ZSCAN32: variants seen among roughly 807,000 people sequenced by gnomAD.
The protein encoded by ZSCAN32 is zinc finger and SCAN domain containing 32.
In ZSCAN32, 52 loss-of-function variants were observed where a neutral mutation model predicts 47.4. The ratio of observed to expected loss-of-function variants is 1.10; its 90% CI spans 0.88 to 1.38. ZSCAN32 has a LOEUF of 1.38. Among genes scored for constraint, ZSCAN32 ranks in the 40% most tolerant of loss-of-function variants. The probability of loss-of-function intolerance (pLI) is 0.00; values close to 1 mark genes in which losing one functional copy is unlikely to be tolerated. For synonymous variants in ZSCAN32, 346 were observed against 305.7 expected, an observed-to-expected ratio of 1.13 and a Z score of -1.38; for missense variants, 959 against 846.0, an observed-to-expected ratio of 1.13 and a Z score of -1.66.
In ZSCAN32 at chr16:3,390,080, C is replaced by G. The variant is rs910840789; in HGVS notation, c.681G>C (p.Met227Ile). Residue 227 changes from methionine to isoleucine, a missense_variant, in exon 5 of 7, where the codon ATG becomes ATC. Transcript: ENST00000396852. The part of the protein sequence containing the change: ...RAVSLCQQEW[M>I]CPGPAQRALY... ...GGGCCCTTTGTGCAGGGCCTGGGCA[C>G]ATCCATTCTTGCTGACAGAGGGATA... The G allele has an allele frequency of 1.2e-6, 2 of 1,613,910 alleles. No homozygotes were observed. Among genetic ancestry groups the G allele is most frequent in the Admixed American group, 1.7e-5 (1 of 59,984 alleles).
chr16:3,384,148 GC>G (rs368679364), intron 6 of ZSCAN32: 207 of 544,214 alleles, frequency 3.8e-4, no homozygotes, highest in African/African-American at 3.1e-3. Flanking sequence ...GAAAGGCAAG[GC>G]CATGCTAGAG....
rs145605109 is a variant in ZSCAN32 at position 3,392,277 on chromosome 16, G to A, written c.532+1372C>T. ...AAAAATGTTTTGAAACTAGACAGAG[G>A]TGATGGCTGCATAACACTGTGAATG... On this transcript the variant is annotated intron_variant, in intron 3 of 6. Transcript: ENST00000396852. 6.2e-3 allele frequency among the ~76,000 whole-genome samples: 938 copies of A among 152,262 alleles called. 5 individuals are homozygous for A. Among genetic ancestry groups the A allele is most frequent in the African/African-American group, 0.022 (900 of 41,552 alleles).
intron 1 of ZSCAN32, among the ~76,000 whole-genome samples, chr16:3,398,290 T>C (rs1169098208): frequency 2.0e-5 from 3 of 152,090 alleles, no homozygotes; most frequent in Non-Finnish European, 2.9e-5. Flanking sequence ...TGGCTCCACC[T>C]AGACCAGGGA....
intron 1 of ZSCAN32, among the ~76,000 whole-genome samples, chr16:3,399,024 C>T (rs1379146229): frequency 6.6e-6 from 1 of 152,094 alleles, no homozygotes; most frequent in Non-Finnish European, 1.5e-5. Flanking sequence ...AGATCTAGAC[C>T]ATCCTGGCTA....
In ZSCAN32 at chr16:3,397,230, C is replaced by T. The variant is rs1389970645; in HGVS notation, c.328G>A (p.Ala110Thr). Reference protein sequence around the residue: ...QHPENGEEAVALVEDVQRAPG... With the variant: ...QHPENGEEAVTLVEDVQRAPG... ...GCTCTCTGTACATCCTCAACCAGAG[C>T]CACAGCTTCCTCGCCGTTTTCTGGA... The change falls in exon 2 of 7, where the codon GCT (alanine) becomes ACT (threonine). Residue 110 changes from alanine (A) to threonine (T), a missense_variant. Coordinates refer to ENST00000396852, the MANE Select transcript of ZSCAN32 (RefSeq NM_001284527.2). 9.6e-6 allele frequency: 15 copies of T among 1,557,278 alleles called. No individual in the cohort carries two copies. Among genetic ancestry groups the T allele is most frequent in the Middle Eastern group, 1.7e-4 (1 of 6,004 alleles).
chr16:3,382,612 G>T lies in ZSCAN32; in HGVS notation c.*240C>A. ...ACCCTGGTTTCCTGGTAGAATTTATGGATCCTACAGCTTTCTCTCCATCAA... is the reference window on the plus strand; with the variant it reads ...ACCCTGGTTTCCTGGTAGAATTTATTGATCCTACAGCTTTCTCTCCATCAA... On this transcript the variant is annotated 3_prime_UTR_variant, in exon 7 of 7. Transcript: ENST00000396852. 2.4e-6 allele frequency: 1 copy of T among 408,492 alleles called. No homozygotes were observed. The highest frequency in any genetic ancestry group is 4.1e-6 in the Non-Finnish European group (1 of 242,374). The allele number at this position is 408,492 out of a possible 1,614,324, so 25.3% of individuals were successfully genotyped here.
intron 2 of ZSCAN32, among the ~76,000 whole-genome samples, chr16:3,395,729 T>C (rs1329730706): frequency 6.6e-6 from 1 of 152,204 alleles, no homozygotes; most frequent in East Asian, 1.9e-4. Context: ...CCGGGCACAA[T>C]GGTTCACACC....
chr16:3,388,183 T>C (rs1447366843), intron 5 of ZSCAN32, among the ~76,000 whole-genome samples: 1 of 152,234 alleles, frequency 6.6e-6, no homozygotes, highest in African/African-American at 2.4e-5. Flanking sequence ...GCAGCACTCA[T>C]TTGATCTGGC....
At chr16:3,388,511 GGTCT>G (rs1364184899) in intron 5 of ZSCAN32, among the ~76,000 whole-genome samples, 2 of 152,272 alleles carry the variant, frequency 1.3e-5, no homozygotes, top group Non-Finnish European at 2.9e-5. Flanking sequence ...ATTATGCTAT[GGTCT>G]GTCTCTTCCC....
At chr16:3,385,675 C>G (rs1324238375) in intron 5 of ZSCAN32, among the ~76,000 whole-genome samples, 4 of 152,070 alleles carry the variant, frequency 2.6e-5, no homozygotes, top group East Asian at 1.9e-4. Context: ...ACAAACCTGA[C>G]AAAAACAAGC....
chr16:3,384,562 T>A lies in ZSCAN32; in HGVS notation c.1131A>T (p.Glu377Asp). The A allele has an allele frequency of 6.2e-7, 1 of 1,614,206 alleles. No individual in the cohort carries two copies. Residue 377 changes from glutamate to aspartate, a missense_variant, in exon 6 of 7, where the codon GAA becomes GAT. Transcript: ENST00000396852. ...TGTCTGCACCATCCACAGTGCCATC[T>A]TCTACCTCCGTGGGTTCCCCATTCT... ...NHQNGEPTEV[E>D]DGTVDGADRD... is the part of the protein sequence containing the mutation.
chr16:3,383,016 T>C lies in ZSCAN32; in HGVS notation c.1930A>G (p.Asn644Asp), dbSNP rs755343650. 3 of 1,613,978 alleles carry C rather than the reference T, an allele frequency of 1.9e-6. No individual in the cohort carries two copies. Among genetic ancestry groups the C allele is most frequent in the Non-Finnish European group, 1.7e-6 (2 of 1,179,984 alleles). Residue 644 changes from asparagine to aspartate, a missense_variant, in exon 7 of 7, where the codon AAT becomes GAT. Transcript: ENST00000396852. ...KCAVCGKIFN[N>D]SSHFSAHRKT... ...CGGTGGGCACTGAAGTGGGAGCTAT[T>C]GTTGAAGATTTTCCCACACACTGCA... is the stretch of plus-strand genomic sequence containing the variant.
intron 2 of ZSCAN32, among the ~76,000 whole-genome samples, chr16:3,394,456 G>C (rs1384190502): frequency 6.6e-6 from 1 of 152,092 alleles, no homozygotes; most frequent in Non-Finnish European, 1.5e-5. Flanking sequence ...TCCAGTATCA[G>C]TTCTGTCTTC....
intron 1 of ZSCAN32, among the ~76,000 whole-genome samples, chr16:3,398,274 A>G (rs1012229465): frequency 6.6e-6 from 1 of 152,060 alleles, no homozygotes. Flanking sequence ...CTTTCTGACA[A>G]CCAGATGGCT....
chr16:3,390,525 A>G lies in ZSCAN32; in HGVS notation c.533-8T>C, dbSNP rs1465879097. 4 of 1,547,444 alleles carry G rather than the reference A, an allele frequency of 2.6e-6. No homozygotes were observed. Among genetic ancestry groups the G allele is most frequent in the African/African-American group, 1.4e-5 (1 of 73,026 alleles). Reference sequence around the variant, plus strand: ...CCTGAGGAGCAAGCCAGGCTGGGGGAAAAAACAGCCGCTATTAGAGGGCGG... The same window carrying G: ...CCTGAGGAGCAAGCCAGGCTGGGGGGAAAAACAGCCGCTATTAGAGGGCGG... On this transcript the variant is annotated splice_region_variant and splice_polypyrimidine_tract_variant and intron_variant, in intron 3 of 6. Transcript: ENST00000396852.
chr16:3,391,752 A>C (rs189072751), intron 3 of ZSCAN32, among the ~76,000 whole-genome samples: 9 of 151,804 alleles, frequency 5.9e-5, no homozygotes, highest in Non-Finnish European at 1.2e-4. Context: ...AGGTTTGCCA[A>C]CTTAAACATC....
chr16:3,397,623 C>A lies in ZSCAN32; in HGVS notation c.-66G>T. ...CCTGGAGATCAGAGTCCATCTTTCC[C>A]ACATCACTGGGAAGCCATGTTCTCC... On this transcript the variant is annotated 5_prime_UTR_variant, in exon 2 of 7. Transcript: ENST00000396852. 1.4e-6 allele frequency: 2 copies of A among 1,451,482 alleles called. No homozygotes were observed. The highest frequency in any genetic ancestry group is 2.9e-5 in the South Asian group (2 of 68,376). 89.9% of individuals were successfully genotyped at this position (1,451,482 alleles called of 1,614,324 possible).
intron 3 of ZSCAN32, among the ~76,000 whole-genome samples, chr16:3,393,197 TATATTTATA>T: frequency 4.3e-5 from 1 of 23,004 alleles, no homozygotes; most frequent in African/African-American, 3.6e-4. Flanking sequence ...TATTTATATA[TATATTTATA>T]TTTATATATA....
chr16:3,400,503 C>G (rs575368057), intron 1 of ZSCAN32, among the ~76,000 whole-genome samples: 5 of 152,310 alleles, frequency 3.3e-5, no homozygotes, highest in African/African-American at 1.2e-4. Flanking sequence ...TTTTAAAATG[C>G]TGTTCTCTGA....
Sources: allele counts gnomAD v4.1 joint callset (sites outside exome capture counted in the v4.1 genomes callset), GRCh38; gene constraint gnomAD v4.1.1; transcripts MANE v1.5; gene names NCBI Gene and HGNC (gene_info 2026-07-23, HGNC 2026-07-21).